The following LPIN2 variants were observed in gnomAD, a reference collection of about 807,000 sequenced individuals.
LPIN2 encodes the protein phosphatidate phosphatase LPIN2.
Under a neutral mutation model 111.4 loss-of-function variants are expected in LPIN2, and 55 were observed. That is an observed-to-expected ratio of 0.49 (90% CI 0.40 to 0.62). The LOEUF is 0.62. Ranked by LOEUF, LPIN2 falls within the 20% of genes least tolerant of loss-of-function variation. The probability of loss-of-function intolerance (pLI) is 0.00; values close to 1 mark genes in which losing one functional copy is unlikely to be tolerated. For missense variants in LPIN2, 992 were observed against 1,112.1 expected, an observed-to-expected ratio of 0.89 and a Z score of 1.54; for synonymous variants, 425 against 414.0, an observed-to-expected ratio of 1.03 and a Z score of -0.32.
At chr18:2,937,648 A>C in intron 7 of LPIN2, 44 bp downstream of exon 7, 1 of 1,503,712 alleles carries the variant, frequency 6.7e-7, no homozygotes, top group Non-Finnish European at 9.2e-7. Flanking sequence ...ATAATTTACC[A>C]TCTAATTTGA....
At chr18:2,945,768 GCT>G in intron 4 of LPIN2, 7 of 1,226,344 alleles carry the variant, frequency 5.7e-6, no homozygotes, top group Non-Finnish European at 8.4e-6. Context: ...TGTGCTATTT[GCT>G]TCTACTCGAC....
At chr18:2,946,657 C>A (rs2077456936) in intron 4 of LPIN2, 6 of 643,156 alleles carry the variant, frequency 9.3e-6, no homozygotes, top group Non-Finnish European at 1.7e-5. Flanking sequence ...AGAAAAAAAT[C>A]AATTGAATGC....
At chr18:2,946,411 G>C (rs547695519) in intron 4 of LPIN2, 2 of 1,463,328 alleles carry the variant, frequency 1.4e-6, no homozygotes, top group Non-Finnish European at 1.9e-6. Flanking sequence ...TTCTCTTACA[G>C]CAAGACCAAC....
chr18:2,960,890 T>G (rs1407773393), intron 1 of LPIN2, 41 bp from the exon 2 acceptor site: 2 of 1,488,656 alleles, frequency 1.3e-6, no homozygotes, highest in East Asian at 2.3e-5. Flanking sequence ...AACACTAAAT[T>G]TGTGATCTAT....
intron 4 of LPIN2, among the ~76,000 whole-genome samples, chr18:2,941,146 T>C (rs978002523): frequency 6.6e-6 from 1 of 152,234 alleles, no homozygotes; most frequent in Non-Finnish European, 1.5e-5. Flanking sequence ...TAAGCCCTTA[T>C]TCTTTCCACT....
chr18:3,001,375 C>A (rs1213387255), intron 1 of LPIN2, among the ~76,000 whole-genome samples: 2 of 151,378 alleles, frequency 1.3e-5, no homozygotes, highest in African/African-American at 2.4e-5. Context: ...AAATGTAAAC[C>A]AATAAAATAA....
chr18:2,964,518 C>G (rs2077763183), intron 1 of LPIN2, among the ~76,000 whole-genome samples: 1 of 152,148 alleles, frequency 6.6e-6, no homozygotes, highest in Non-Finnish European at 1.5e-5. Flanking sequence ...CCAGACCACG[C>G]TCTCTTTCCT....
Position 2,937,402 on chromosome 18 carries a change from G to A in LPIN2, c.1168+290C>T, listed in dbSNP as rs7229067. 0.052 allele frequency among the ~76,000 whole-genome samples: 7,948 copies of A among 151,866 alleles called. 592 individuals carry two copies. Among genetic ancestry groups the A allele is most frequent in the African/African-American group, 0.16 (6,737 of 41,360 alleles). On this transcript the variant is annotated intron_variant, in intron 7 of 19. Coordinates refer to ENST00000677752, the MANE Select transcript of LPIN2 (RefSeq NM_001375808.2). ...CTATTAAAAATACAAAAAATCAGCC[G>A]GGGATGGTGGTGTGTGCCTGTAACC...
chr18:2,946,104 T>C (rs2077447310), intron 4 of LPIN2: 2 of 1,566,044 alleles, frequency 1.3e-6, no homozygotes, highest in Non-Finnish European at 1.8e-6. Context: ...CATCATTGTC[T>C]TCTTTTCTTA....
intron 1 of LPIN2, among the ~76,000 whole-genome samples, chr18:2,976,725 A>C (rs1291780403): frequency 1.3e-5 from 2 of 152,166 alleles, no homozygotes; most frequent in African/African-American, 4.8e-5. Context: ...TACTAATGAG[A>C]GCTAGCTAGG....
At chr18:2,944,396 G>C (rs1019464845) in intron 4 of LPIN2, among the ~76,000 whole-genome samples, 1 of 121,698 alleles carries the variant, frequency 8.2e-6, no homozygotes, top group Non-Finnish European at 1.6e-5. Context: ...CTGTCGCCCA[G>C]GCTGGAGTGC....
intron 15 of LPIN2, 110 bp downstream of exon 15, chr18:2,924,288 C>A (rs2077099077): frequency 7.2e-7 from 1 of 1,393,326 alleles, no homozygotes; most frequent in Non-Finnish European, 1.0e-6. Context: ...TTATAAAATG[C>A]CTTGGCTGAG....
In LPIN2 at chr18:2,944,333, C is replaced by CTTTTT. The variant is rs768515839; in HGVS notation, c.591-3626_591-3622dup. On this transcript the variant is annotated intron_variant, in intron 4 of 19. Coordinates refer to ENST00000677752, the MANE Select transcript of LPIN2 (RefSeq NM_001375808.2). ...TGATATCCTAATGTATTTCCACAAA[C>CTTTTT]TTTTTTTTTTTTTTTTTTTTTTTTT... Among the ~76,000 whole-genome samples the CTTTTT allele has an allele frequency of 3.9e-5, 2 of 51,350 alleles. 1 individual carries two copies. Among genetic ancestry groups the CTTTTT allele is most frequent in the African/African-American group, 1.3e-4 (2 of 15,060 alleles). The allele number at this position is 51,350 out of a possible 152,430, so 33.7% of individuals were successfully genotyped here. A position where few individuals can be genotyped will look rare whatever the true frequency, so the allele number is the denominator to read the frequency against.
At chr18:2,934,232 C>G in intron 8 of LPIN2, 119 bp downstream of exon 8, 1 of 727,852 alleles carries the variant, frequency 1.4e-6, no homozygotes, top group Non-Finnish European at 2.3e-6. Flanking sequence ...CTGAAGCCAT[C>G]ATCAGATTTA....
Position 2,918,168 on chromosome 18 carries a change from A to G in LPIN2, c.*2125T>C, listed in dbSNP as rs893925380. 1.3e-5 allele frequency: 2 copies of G among 152,222 alleles called. No homozygotes were observed. Among genetic ancestry groups the G allele is most frequent in the Non-Finnish European group, 2.9e-5 (2 of 68,044 alleles). 9.4% of individuals were successfully genotyped at this position (152,222 alleles called of 1,614,324 possible). The stretch of plus-strand genomic sequence containing the variant: ...GCAACAAAGTCTAGTGCTAGCAGAC[A>G]CAGGGACAGAGGGACCAGCTACCCT... On this transcript the variant is annotated 3_prime_UTR_variant, in exon 20 of 20. Transcript: ENST00000677752.
chr18:3,009,985 A>G (rs1449349597), intron 1 of LPIN2, among the ~76,000 whole-genome samples: 2 of 152,052 alleles, frequency 1.3e-5, no homozygotes, highest in Non-Finnish European at 1.5e-5. Flanking sequence ...TGAGAAGTTG[A>G]GCAGAGACAG....
chr18:3,012,662 G>T (rs112527431), intron 1 of LPIN2, among the ~76,000 whole-genome samples: 1 of 152,080 alleles, frequency 6.6e-6, no homozygotes, highest in Non-Finnish European at 1.5e-5. Flanking sequence ...GGGCGGGATG[G>T]AGACGCGGCC....
At chr18:2,923,739 C>T in intron 16 of LPIN2, 36 bp downstream of exon 16, 1 of 1,555,372 alleles carries the variant, frequency 6.4e-7, no homozygotes. Context: ...AAGCTTCCAG[C>T]TCACCAGAGC....
At chr18:3,000,631 C>T (rs35179352) in intron 1 of LPIN2, among the ~76,000 whole-genome samples, 26,655 of 152,242 alleles carry the variant, frequency 0.18, 2,487 homozygotes, top group Middle Eastern at 0.22. Flanking sequence ...ACAGATGATT[C>T]TACCTGTGGG....
Sources: allele counts gnomAD v4.1 joint callset (sites outside exome capture counted in the v4.1 genomes callset), GRCh38; gene constraint gnomAD v4.1.1; transcripts MANE v1.5; gene names NCBI Gene and HGNC (gene_info 2026-07-23, HGNC 2026-07-21).